The following MPRIP variants were observed in gnomAD, a reference collection of about 807,000 sequenced individuals.
The protein encoded by MPRIP is myosin phosphatase Rho interacting protein.
A neutral mutation model predicts 234.9 loss-of-function variants in MPRIP; 59 were observed. That is an observed-to-expected ratio of 0.25 (90% CI 0.20 to 0.31). The LOEUF (loss-of-function observed/expected upper bound fraction) is 0.31. MPRIP is among the 10% of genes least tolerant of loss of function. The pLI, the probability that MPRIP is intolerant of heterozygous loss-of-function variation, is 1.00. For synonymous variants in MPRIP, 1,144 were observed against 1,263.9 expected (o/e 0.91, Z 2.01); for missense variants, 2,436 against 3,071.0 (o/e 0.79, Z 4.89).
chr17:17,127,064 C>G (rs2090505282), intron 4 of MPRIP, among the ~76,000 whole-genome samples: 1 of 152,212 alleles, frequency 6.6e-6, no homozygotes, highest in East Asian at 1.9e-4. Flanking sequence ...TGGGGCCCCT[C>G]TTTGCTCTGG....
At position 17,180,034 on chromosome 17, in the gene MPRIP, C is replaced by G; in HGVS notation, c.7152C>G (p.Phe2384Leu). The G allele has an allele frequency of 6.3e-7, 1 of 1,596,622 alleles. No homozygotes were observed. Among genetic ancestry groups the G allele is most frequent in the African/African-American group, 1.4e-5 (1 of 73,654 alleles). ...TGAAATCTAAAAGCAACCCTGACTTCTTGAAGAAAGACAGATCCTGTGTCA... is the reference window on the plus strand; with the variant it reads ...TGAAATCTAAAAGCAACCCTGACTTGTTGAAGAAAGACAGATCCTGTGTCA... Reference protein sequence around the residue: ...DIMKSKSNPDFLKKDRSCVTR... With the variant: ...DIMKSKSNPDLLKKDRSCVTR... Residue 2384 changes from phenylalanine (F) to leucine (L), a missense_variant, in exon 23 of 24, where the codon TTC becomes TTG. Phe to Leu is a conservative substitution (Grantham distance 22). This residue lies in a region of MPRIP where 1,998 missense variants were observed against 2,520.3 expected (regional missense o/e 0.79). Coordinates refer to ENST00000651222, the MANE Select transcript of MPRIP (RefSeq NM_001364716.4).
rs536091935 is a variant in MPRIP at position 17,184,898 on chromosome 17, T to C, written c.*4T>C. On this transcript the variant is annotated 3_prime_UTR_variant, in exon 24 of 24. Coordinates refer to ENST00000651222, the MANE Select transcript of MPRIP (RefSeq NM_001364716.4). ...CAGGGACTTGAAGAAAGACTAGGTG[T>C]GTCCCATCCAAGTTGAGCACGCGCC... The C allele has an allele frequency of 3.6e-5, 58 of 1,608,536 alleles. 1 individual carries two copies. The South Asian group carries it at 5.9e-4, about 16-fold the overall frequency.
chr17:17,120,138 G>C (rs2090361105), intron 3 of MPRIP, among the ~76,000 whole-genome samples: 2 of 152,206 alleles, frequency 1.3e-5, no homozygotes, highest in Admixed American at 1.3e-4. Flanking sequence ...GGTCTCACGT[G>C]CGACTGGTTC....
rs926752034 is a variant in MPRIP at position 17,165,751 on chromosome 17, A to T, written c.4160A>T (p.Glu1387Val). Residue 1387 changes from glutamate (E) to valine (V), a missense_variant, in exon 16 of 24, where the codon GAG becomes GTG. Glu to Val is a moderately radical substitution (Grantham distance 121, BLOSUM62 -2). Coordinates refer to ENST00000651222, the MANE Select transcript of MPRIP (RefSeq NM_001364716.4). ...TACCTCTCCATCATCCACTCCCTGG[A>T]GACCAAGCTCTACGTCACAGAGGAA... The part of the protein sequence containing the change: ...DTYLSIIHSL[E>V]TKLYVTEEKL... 2 of 1,304,860 alleles carry T rather than the reference A, an allele frequency of 1.5e-6. No homozygotes were observed. Among genetic ancestry groups the T allele is most frequent in the Non-Finnish European group, 2.0e-6 (2 of 988,982 alleles). 80.8% of individuals were successfully genotyped at this position (1,304,860 alleles called of 1,614,324 possible).
In MPRIP at chr17:17,166,912, C is replaced by G; in HGVS notation, c.5321C>G (p.Ala1774Gly). 3.1e-6 allele frequency: 4 copies of G among 1,304,144 alleles called. No individual in the cohort carries two copies. Among genetic ancestry groups the G allele is most frequent in the Non-Finnish European group, 4.0e-6 (4 of 988,956 alleles). The allele number at this position is 1,304,144 out of a possible 1,614,324, so 80.8% of individuals were successfully genotyped here. ...PFDVSDQSPG[A>G]FVAIQEELAQ... ...GATGTGTCTGACCAGAGCCCTGGGG[C>G]CTTTGTTGCTATTCAGGAGGAGCTT... Residue 1774 changes from alanine to glycine, a missense_variant, in exon 16 of 24, where the codon GCC becomes GGC. Physicochemically the swap from Ala to Gly is moderately conservative, Grantham distance 60. Coordinates refer to ENST00000651222, the MANE Select transcript of MPRIP (RefSeq NM_001364716.4). The surrounding 1 kb of genome is among the most constrained non-coding windows in gnomAD (Gnocchi z 4.4).
At chr17:17,174,632 G>T (rs2046215502) in intron 19 of MPRIP, among the ~76,000 whole-genome samples, 2 of 152,178 alleles carry the variant, frequency 1.3e-5, no homozygotes. Flanking sequence ...GTCAGGGATT[G>T]AGACCATCCT....
At chr17:17,143,695 G>A in intron 9 of MPRIP, 26 bp downstream of exon 9, 1 of 1,488,172 alleles carries the variant, frequency 6.7e-7, no homozygotes, top group Non-Finnish European at 9.2e-7. Context: ...GCGTCCTCCG[G>A]AGGCCGTGCT....
chr17:17,118,358 C>T (rs962643307), intron 3 of MPRIP, among the ~76,000 whole-genome samples: 2 of 152,246 alleles, frequency 1.3e-5, no homozygotes, highest in African/African-American at 2.4e-5. Flanking sequence ...GCAGGACCCT[C>T]TCTGGGGTCT....
At chr17:17,161,502 G>A (rs1310151321) in intron 15 of MPRIP, 146 bp downstream of exon 15, 5 of 489,984 alleles carry the variant, frequency 1.0e-5, no homozygotes, top group Non-Finnish European at 7.2e-6. Flanking sequence ...TTCTGCCACA[G>A]GACTGGACAC....
intron 3 of MPRIP, among the ~76,000 whole-genome samples, chr17:17,091,451 A>G (rs570443101): frequency 1.3e-5 from 2 of 152,156 alleles, no homozygotes; most frequent in East Asian, 1.9e-4. Context: ...TGGTGTGAAC[A>G]GGGCAGTTGT....
At chr17:17,076,247 A>G in intron 2 of MPRIP, 1 of 153,922 alleles carries the variant, frequency 6.5e-6, no homozygotes, top group Non-Finnish European at 1.4e-5. Flanking sequence ...TGCCCAGGGC[A>G]GGGCCCCGCT....
intron 3 of MPRIP, among the ~76,000 whole-genome samples, chr17:17,108,312 T>C (rs1184328215): frequency 6.6e-6 from 1 of 152,238 alleles, no homozygotes; most frequent in Non-Finnish European, 1.5e-5. Flanking sequence ...AGCAAAAAGC[T>C]GTAAGTGACT....
intron 1 of MPRIP, among the ~76,000 whole-genome samples, chr17:17,074,869 G>A (rs141022864): frequency 5.3e-4 from 80 of 152,222 alleles, no homozygotes; most frequent in African/African-American, 1.9e-3. Context: ...ATCACACTTT[G>A]TTCATCTATT....
At chr17:17,059,101 A>G (rs1015252335) in intron 1 of MPRIP, among the ~76,000 whole-genome samples, 9 of 152,246 alleles carry the variant, frequency 5.9e-5, no homozygotes, top group Non-Finnish European at 8.8e-5. Context: ...AAAAGTAACA[A>G]TAAGCCTATT....
At position 17,113,880 on chromosome 17, in the gene MPRIP, C is replaced by CTTTTTTTTTTTTTTTTT. The variant is rs1236846171; in HGVS notation, c.268-12818_268-12817insTTTTTTTTTTTTTTTTT. ...TGTGATTTGCATTTTCTTTTCTTTTCTTTTCTTTTTTTTTTTTTTTTTTTA... is the reference window on the plus strand; with the variant it reads ...TGTGATTTGCATTTTCTTTTCTTTTCTTTTTTTTTTTTTTTTTTTTTCTTTTTTTTTTTTTTTTTTTA... On this transcript the variant is annotated intron_variant, in intron 3 of 23. Transcript: ENST00000651222. Among the ~76,000 whole-genome samples the CTTTTTTTTTTTTTTTTT allele has an allele frequency of 8.3e-4, 77 of 93,202 alleles. 2 individuals carry two copies. The highest frequency in any genetic ancestry group is 1.7e-3 in the African/African-American group (32 of 18,950). 61.1% of individuals were successfully genotyped at this position (93,202 alleles called of 152,430 possible).
At chr17:17,063,613 T>C (rs1329040035) in intron 1 of MPRIP, among the ~76,000 whole-genome samples, 1 of 152,096 alleles carries the variant, frequency 6.6e-6, no homozygotes, top group East Asian at 1.9e-4. Context: ...TGGTGCCGGA[T>C]TGCGCAATAT....
intron 23 of MPRIP, among the ~76,000 whole-genome samples, chr17:17,183,997 A>T (rs2046425072): frequency 6.6e-6 from 1 of 152,236 alleles, no homozygotes; most frequent in South Asian, 2.1e-4. Flanking sequence ...GAGGGAGATA[A>T]GTGAAGAGCC....
rs777922685 is a variant in MPRIP, at chr17:17,164,239, G to T, written c.2648G>T (p.Arg883Leu). Reference protein sequence around the residue: ...LITHQIQTLKRSYGEAKDTIR... With the variant: ...LITHQIQTLKLSYGEAKDTIR... Reference sequence around the variant, plus strand: ...ACACACCAGATTCAGACCCTGAAGCGTAGCTATGGGGAGGCCAAGGACACG... The same window carrying T: ...ACACACCAGATTCAGACCCTGAAGCTTAGCTATGGGGAGGCCAAGGACACG... Residue 883 changes from arginine (R) to leucine (L), a missense_variant, in exon 16 of 24, where the codon CGT (arginine) becomes CTT (leucine). By Grantham distance (102) the Arg-to-Leu change is moderately radical. Coordinates refer to ENST00000651222, the MANE Select transcript of MPRIP (RefSeq NM_001364716.4). 3 of 1,304,214 alleles carry T rather than the reference G, an allele frequency of 2.3e-6. No homozygotes were observed. The highest frequency in any genetic ancestry group is 3.0e-6 in the Non-Finnish European group (3 of 988,998). 80.8% of individuals were successfully genotyped at this position (1,304,214 alleles called of 1,614,324 possible).
rs539590308 is a variant in MPRIP at position 17,075,560 on chromosome 17, G to A, written c.124-150G>A. Reference sequence around the variant, plus strand: ...CCCGCCAGCCTCTGACTCTCAAGCAGCTGCAGACGCACCGCAGTGGAAATA... The same window carrying A: ...CCCGCCAGCCTCTGACTCTCAAGCAACTGCAGACGCACCGCAGTGGAAATA... On this transcript the variant is annotated intron_variant, in intron 1 of 23. Transcript: ENST00000651222. The A allele has an allele frequency of 1.2e-4, 85 of 698,022 alleles. 1 individual carries two copies. The Middle Eastern group carries it at 1.5e-3, about 12-fold the overall frequency. The allele number at this position is 698,022 out of a possible 1,614,324, so 43.2% of individuals were successfully genotyped here. A position where few individuals can be genotyped will look rare whatever the true frequency, so the allele number is the denominator to read the frequency against.
Sources: gnomAD v4.1 joint callset for allele counts (sites outside exome capture counted in the v4.1 genomes callset) on GRCh38, gnomAD v4.1.1 for gene constraint, gnomAD v4.1.1 regional missense constraint, Gnocchi (gnomAD v3.1) non-coding constraint, MANE v1.5 for transcripts, NCBI Gene and HGNC (gene_info 2026-07-23, HGNC 2026-07-21) for gene names.